Variants in TMPRSS11A observed in about 807,000 individuals in gnomAD.
TMPRSS11A encodes transmembrane protease serine 11A.
In TMPRSS11A, 53 loss-of-function variants were observed where a neutral mutation model predicts 58.9. The ratio of observed to expected loss-of-function variants is 0.90; its 90% CI spans 0.72 to 1.13. The LOEUF (loss-of-function observed/expected upper bound fraction) is 1.13. Among genes scored for constraint, TMPRSS11A ranks in the 50% most tolerant of loss-of-function variants. The pLI is 0.00. For synonymous variants in TMPRSS11A, 167 were observed against 169.8 expected (o/e 0.98, Z 0.13); for missense variants, 493 against 499.3 (o/e 0.99, Z 0.12).
Position 67,917,528 on chromosome 4 carries a change from GGTGA to G in TMPRSS11A, c.952+1441_952+1444del, listed in dbSNP as rs920927707. On this transcript the variant is annotated intron_variant, in intron 8 of 9. Coordinates refer to ENST00000508048, the MANE Select transcript of TMPRSS11A (RefSeq NM_001114387.2). ...TACAGACTTGAATATAGCCTCTCTT[GGTGA>G]GTAACGAATGGCTGCTTTTAATCTA... Among the ~76,000 whole-genome samples the G allele has an allele frequency of 1.5e-3, 224 of 152,096 alleles. 2 individuals are homozygous for G. The highest frequency in any genetic ancestry group is 5.0e-3 in the African/African-American group (209 of 41,472).
chr4:67,939,204 A>T (rs1434080456), intron 3 of TMPRSS11A, among the ~76,000 whole-genome samples: 1 of 151,752 alleles, frequency 6.6e-6, no homozygotes, highest in African/African-American at 2.4e-5. Flanking sequence ...TGTGTTCTTG[A>T]TTTGGTTCTC....
At position 67,911,462 on chromosome 4, in the gene TMPRSS11A, A is replaced by G; in HGVS notation, c.1137T>C (p.Asp379=). 6.2e-7 allele frequency: 1 copy of G among 1,613,564 alleles called. No individual in the cohort carries two copies. Among genetic ancestry groups the G allele is most frequent in the Non-Finnish European group, 8.5e-7 (1 of 1,179,586 alleles). ...TTACAATTCCAATGAGATACCACGT[A>G]TCTTTCAGATCCCTTGTGACTAAAG... ...GGPLVTRDLK[D]TWYLIGIVSW... Residue 379 remains aspartate (D), a synonymous_variant, in exon 10 of 10, where the codon GAT becomes GAC. Transcript: ENST00000508048.
At chr4:67,916,974 A>T (rs1397394712) in intron 8 of TMPRSS11A, among the ~76,000 whole-genome samples, 2 of 152,224 alleles carry the variant, frequency 1.3e-5, no homozygotes, top group Non-Finnish European at 2.9e-5. Flanking sequence ...ATTCCAAGTC[A>T]TGAAAAGCAT....
intron 7 of TMPRSS11A, among the ~76,000 whole-genome samples, chr4:67,922,058 A>G (rs1281013071): frequency 6.6e-6 from 1 of 152,246 alleles, no homozygotes; most frequent in African/African-American, 2.4e-5. Context: ...ATAGGATAGC[A>G]CAATTTGCTA....
chr4:67,948,268 C>T (rs1163013661), intron 1 of TMPRSS11A, among the ~76,000 whole-genome samples: 1 of 150,270 alleles, frequency 6.7e-6, no homozygotes, highest in Non-Finnish European at 1.5e-5. Flanking sequence ...ACGCCATTCT[C>T]CTGCCTCAGC....
At chr4:67,957,006 T>C (rs572566467) in intron 1 of TMPRSS11A, among the ~76,000 whole-genome samples, 1 of 151,346 alleles carries the variant, frequency 6.6e-6, no homozygotes, top group African/African-American at 2.4e-5. Flanking sequence ...TGAGGGGGAG[T>C]TTCCCTGCAC....
intron 1 of TMPRSS11A, among the ~76,000 whole-genome samples, chr4:67,962,738 T>G (rs1172662417): frequency 6.6e-6 from 1 of 152,260 alleles, no homozygotes; most frequent in African/African-American, 2.4e-5. Context: ...TCTTATTTTT[T>G]CATATTCTTT....
chr4:67,935,863 GTAAT>G (rs1720740039), intron 3 of TMPRSS11A, among the ~76,000 whole-genome samples: 2 of 152,024 alleles, frequency 1.3e-5, no homozygotes, highest in Non-Finnish European at 2.9e-5. Flanking sequence ...GACATTTTAG[GTAAT>G]TGATTATTTG....
chr4:67,924,231 GAAT>G, intron 5 of TMPRSS11A, 65 bp from the exon 6 acceptor site: 1 of 1,346,166 alleles, frequency 7.4e-7, no homozygotes, highest in Non-Finnish European at 1.1e-6. Context: ...CAATGACCAG[GAAT>G]AATCAGAGGA....
intron 1 of TMPRSS11A, among the ~76,000 whole-genome samples, chr4:67,952,994 G>C (rs58979976): frequency 1.3e-5 from 2 of 152,140 alleles, no homozygotes; most frequent in African/African-American, 4.8e-5. Flanking sequence ...AGGGGTAGGG[G>C]GGGTGGTTTG....
chr4:67,958,930 C>T (rs1202236063), intron 1 of TMPRSS11A, among the ~76,000 whole-genome samples: 1 of 152,164 alleles, frequency 6.6e-6, no homozygotes, highest in African/African-American at 2.4e-5. Context: ...TTATAAGAAG[C>T]TCTCTTCTCT....
At chr4:67,932,745 T>G (rs993279025) in intron 3 of TMPRSS11A, among the ~76,000 whole-genome samples, 16 of 152,026 alleles carry the variant, frequency 1.1e-4, no homozygotes, top group African/African-American at 3.9e-4. Flanking sequence ...AGAGCCAAAA[T>G]TTTTAAATTA....
chr4:67,942,722 C>A (rs1319617595), intron 3 of TMPRSS11A, among the ~76,000 whole-genome samples: 1 of 152,100 alleles, frequency 6.6e-6, no homozygotes, highest in Non-Finnish European at 1.5e-5. Context: ...CCTAGTAATT[C>A]TGCTTGCAGA....
At chr4:67,950,887 T>A (rs1721139341) in intron 1 of TMPRSS11A, among the ~76,000 whole-genome samples, 1 of 152,232 alleles carries the variant, frequency 6.6e-6, no homozygotes, top group Non-Finnish European at 1.5e-5. Context: ...TGATTATGAC[T>A]ACTTGGCACT....
chr4:67,924,803 G>A (rs1005177260), intron 5 of TMPRSS11A, among the ~76,000 whole-genome samples: 3 of 152,044 alleles, frequency 2.0e-5, no homozygotes, highest in African/African-American at 4.8e-5. Context: ...CTCCCACCAG[G>A]TCCCTCTCAC....
At chr4:67,935,018 G>GA (rs1000321624) in intron 3 of TMPRSS11A, among the ~76,000 whole-genome samples, 2 of 151,922 alleles carry the variant, frequency 1.3e-5, no homozygotes, top group South Asian at 2.1e-4. Context: ...ACCATGCTGT[G>GA]AAAAAAAACT....
intron 9 of TMPRSS11A, among the ~76,000 whole-genome samples, chr4:67,912,195 C>T (rs1373826128): frequency 6.6e-6 from 1 of 152,134 alleles, no homozygotes; most frequent in African/African-American, 2.4e-5. Context: ...GATCTACCAA[C>T]ACCTCACAAT....
At chr4:67,957,609 T>G (rs563445007) in intron 1 of TMPRSS11A, among the ~76,000 whole-genome samples, 6 of 152,228 alleles carry the variant, frequency 3.9e-5, no homozygotes, top group African/African-American at 1.4e-4. Context: ...GCATTCAGTT[T>G]TATAAGGAAG....
At chr4:67,959,328 A>G (rs1005423452) in intron 1 of TMPRSS11A, among the ~76,000 whole-genome samples, 1 of 152,088 alleles carries the variant, frequency 6.6e-6, no homozygotes, top group African/African-American at 2.4e-5. Context: ...TCCAAAAGCA[A>G]TTGCAACAAA....
Sources: gnomAD v4.1 joint callset for allele counts (sites outside exome capture counted in the v4.1 genomes callset) on GRCh38, gnomAD v4.1.1 for gene constraint, MANE v1.5 for transcripts, NCBI Gene and HGNC (gene_info 2026-07-23, HGNC 2026-07-21) for gene names.